The following ADIRF variants were observed in gnomAD, a reference collection of about 807,000 sequenced individuals.
ADIRF encodes adipogenesis factor rich in obesity.
Under a neutral mutation model 7.8 loss-of-function variants are expected in ADIRF, and 9 were observed. The ratio of observed to expected loss-of-function variants is 1.15; its 90% CI spans 0.70 to 2.01. ADIRF has a LOEUF of 2.01. Ranked by LOEUF, ADIRF falls within the 30% of genes most tolerant of loss-of-function variation. The probability of loss-of-function intolerance (pLI) is 0.00; values close to 1 mark genes in which losing one functional copy is unlikely to be tolerated. For synonymous variants in ADIRF, 48 were observed against 39.9 expected, an observed-to-expected ratio of 1.20 and a Z score of -0.77; for missense variants, 106 against 98.1, an observed-to-expected ratio of 1.08 and a Z score of -0.34.
chr10:86,970,681 G>A lies in ADIRF; in HGVS notation c.*99G>A. 2 of 1,029,300 alleles carry A rather than the reference G, an allele frequency of 1.9e-6. No homozygotes were observed. The highest frequency in any genetic ancestry group is 3.0e-6 in the Non-Finnish European group (2 of 671,342). 63.8% of individuals were successfully genotyped at this position (1,029,300 alleles called of 1,614,324 possible). On this transcript the variant is annotated 3_prime_UTR_variant, in exon 3 of 3. Transcript: ENST00000372013. ...CTAGCACAGCCTGGCCCTGATCTCC[G>A]GGCAGCCACCACCTCCTCGGTCTGC...
At chr10:86,969,939 C>G in intron 1 of ADIRF, 1 of 308,646 alleles carries the variant, frequency 3.2e-6, no homozygotes, top group Non-Finnish European at 5.9e-6. Context: ...TTCTCAGTAG[C>G]CCTGGAGATG....
rs1206127625 is a variant in ADIRF at position 86,968,578 on chromosome 10, C to T, written c.34C>T (p.Gln12Ter). ...CAAGGGCTTGCAGGACCTGAAGCAA[C>T]AGGTGGAGGGGACCGCCCAGGAAGC... Reference protein sequence around the residue: ...ASKGLQDLKQQVEGTAQEAVS... With the variant: ...ASKGLQDLKQ Residue 12 changes from glutamine to a stop codon, truncating the protein, a stop_gained, in exon 1 of 3, where the codon CAG becomes TAG. Coordinates refer to ENST00000372013, the MANE Select transcript of ADIRF (RefSeq NM_006829.3). LOFTEE classifies it high-confidence loss of function. The T allele has an allele frequency of 6.2e-7, 1 of 1,613,462 alleles. No homozygotes were observed. The highest frequency in any genetic ancestry group is 8.5e-7 in the Non-Finnish European group (1 of 1,179,782).
intron 2 of ADIRF, 43 bp from the exon 3 acceptor site, chr10:86,970,433 C>T (rs1195417683): frequency 3.2e-6 from 5 of 1,570,256 alleles, no homozygotes; most frequent in Non-Finnish European, 4.4e-6. Flanking sequence ...CACTGTGGTT[C>T]CCGGGCCCTG....
intron 1 of ADIRF, chr10:86,968,913 G>A (rs1445490495): frequency 2.4e-5 from 9 of 369,406 alleles, no homozygotes; most frequent in South Asian, 4.3e-5. Context: ...AGAGGGTGAA[G>A]GTCCAGGACA....
At chr10:86,969,418 C>A (rs1408057356) in intron 1 of ADIRF, 1 of 152,258 alleles carries the variant, frequency 6.6e-6, no homozygotes, top group Admixed American at 6.5e-5. Flanking sequence ...TTAATCGAGA[C>A]GAGGTTCCCA....
chr10:86,970,885 C>T lies in ADIRF; in HGVS notation c.*303C>T. 2.1e-6 allele frequency: 1 copy of T among 472,962 alleles called. No individual in the cohort carries two copies. Among genetic ancestry groups the T allele is most frequent in the Non-Finnish European group, 4.2e-6 (1 of 239,482 alleles). The allele number at this position is 472,962 out of a possible 1,614,324, so 29.3% of individuals were successfully genotyped here. ...CCATCCCGCCACGCGCCTCCCGAAGCTCCCAGACCGGAGGCTCAGCCCCCA... is the reference window on the plus strand; with the variant it reads ...CCATCCCGCCACGCGCCTCCCGAAGTTCCCAGACCGGAGGCTCAGCCCCCA... On this transcript the variant is annotated 3_prime_UTR_variant, in exon 3 of 3. Coordinates refer to ENST00000372013, the MANE Select transcript of ADIRF (RefSeq NM_006829.3).
chr10:86,968,610 G>T lies in ADIRF; in HGVS notation c.61+5G>T. On this transcript the variant is annotated splice_donor_5th_base_variant and intron_variant, in intron 1 of 2. Transcript: ENST00000372013. ...AGGGGACCGCCCAGGAAGCCGGTGA[G>T]GATAGCGCGCGACCTAGGGCTCAGG... The T allele has an allele frequency of 1.2e-6, 2 of 1,612,930 alleles. No homozygotes were observed. Among genetic ancestry groups the T allele is most frequent in the Non-Finnish European group, 1.7e-6 (2 of 1,179,654 alleles).
At chr10:86,969,220 C>CCCATT (rs373701484) in intron 1 of ADIRF, 1 of 152,626 alleles carries the variant, frequency 6.6e-6, no homozygotes, top group Non-Finnish European at 1.5e-5. Context: ...GTCAGTCCTG[C>CCCATT]CCATATCCCA....
intron 2 of ADIRF, 88 bp from the exon 3 acceptor site, chr10:86,970,387 TC>T: frequency 6.6e-7 from 1 of 1,509,272 alleles, no homozygotes. Flanking sequence ...CCCAAGCAGG[TC>T]CCCCGGGAGA....
Position 86,970,815 on chromosome 10 carries a change from C to A in ADIRF, c.*233C>A, listed in dbSNP as rs1844589068. 2 of 609,200 alleles carry A rather than the reference C, an allele frequency of 3.3e-6. No individual in the cohort carries two copies. The highest frequency in any genetic ancestry group is 3.0e-5 in the South Asian group (2 of 65,934). The allele number at this position is 609,200 out of a possible 1,614,324, so 37.7% of individuals were successfully genotyped here. A position where few individuals can be genotyped will look rare whatever the true frequency, so the allele number is the denominator to read the frequency against. On this transcript the variant is annotated 3_prime_UTR_variant, in exon 3 of 3. Transcript: ENST00000372013. ...AGAGCCACCGTAGCCGGAGTCCTAG[C>A]CTCCCAAATTCGGAAATCCAATCCA...
At position 86,970,310 on chromosome 10, in the gene ADIRF, T is replaced by TC. The variant is rs2133710515; in HGVS notation, c.124+52dup. The stretch of plus-strand genomic sequence containing the variant: ...CGGGCAACCCCAGCACACCTCCCAC[T>TC]CCCCGCCCCATCCCGGCTGGGGCCC... On this transcript the variant is annotated intron_variant, in intron 2 of 2. Coordinates refer to ENST00000372013, the MANE Select transcript of ADIRF (RefSeq NM_006829.3). The TC allele has an allele frequency of 2.0e-6, 3 of 1,503,050 alleles. No individual in the cohort carries two copies. In the South Asian group the frequency reaches 3.9e-5, roughly 20 times the overall value. 93.1% of individuals were successfully genotyped at this position (1,503,050 alleles called of 1,614,324 possible).
rs1419885700 is a variant in ADIRF at position 86,970,214 on chromosome 10, G to A, written c.76G>A (p.Ala26Thr). The change falls in exon 2 of 3, where the codon GCG (alanine) becomes ACG (threonine). Residue 26 changes from alanine (A) to threonine (T), a missense_variant. Physicochemically the swap from Ala to Thr is moderately conservative, Grantham distance 58. Coordinates refer to ENST00000372013, the MANE Select transcript of ADIRF (RefSeq NM_006829.3). ...CTCTGTTCCAGTGTCAGCGGCCGGA[G>A]CGGCAGCTCAGCAAGTGGTGGACCA... is the stretch of plus-strand genomic sequence containing the variant. ...TAQEAVSAAG[A>T]AAQQVVDQAT... 6.9e-7 allele frequency: 1 copy of A among 1,456,168 alleles called. No homozygotes were observed. Among genetic ancestry groups the A allele is most frequent in the South Asian group, 1.5e-5 (1 of 67,018 alleles). The allele number at this position is 1,456,168 out of a possible 1,614,324, so 90.2% of individuals were successfully genotyped here.
intron 1 of ADIRF, chr10:86,969,830 G>A (rs1844547099): frequency 6.0e-6 from 1 of 167,400 alleles, no homozygotes; most frequent in Non-Finnish European, 1.3e-5. Flanking sequence ...AGCTGTAAAA[G>A]GGGGCAAGGG....
chr10:86,969,907 C>T (rs1224532703), intron 1 of ADIRF: 2 of 258,792 alleles, frequency 7.7e-6, no homozygotes, highest in Non-Finnish European at 1.5e-5. Flanking sequence ...CCTGCCCTGC[C>T]TTCCTTCCTC....
intron 1 of ADIRF, 89 bp downstream of exon 1, chr10:86,968,694 C>A: frequency 6.8e-7 from 1 of 1,460,674 alleles, no homozygotes; most frequent in South Asian, 1.3e-5. Flanking sequence ...TCCGCAAGTT[C>A]CTGGACCGGC....
chr10:86,969,919 G>GACGC, intron 1 of ADIRF: 1 of 273,458 alleles, frequency 3.7e-6, no homozygotes, highest in Admixed American at 5.3e-5. Context: ...TCCTTCCTCT[G>GACGC]TCCAACATTT....
chr10:86,970,285 C>T lies in ADIRF; in HGVS notation c.124+23C>T, dbSNP rs1239901236. 7 of 1,474,452 alleles carry T rather than the reference C, an allele frequency of 4.7e-6. No homozygotes were observed. The South Asian group carries it at 7.0e-5, about 15-fold the overall frequency. 91.3% of individuals were successfully genotyped at this position (1,474,452 alleles called of 1,614,324 possible). A position where few individuals can be genotyped will look rare whatever the true frequency, so the allele number is the denominator to read the frequency against. On this transcript the variant is annotated intron_variant, in intron 2 of 2. Transcript: ENST00000372013. ...AAGGTCTGGTGGGGCTGGAGGGAGGCGGGCAACCCCAGCACACCTCCCACT... is the reference window on the plus strand; with the variant it reads ...AAGGTCTGGTGGGGCTGGAGGGAGGTGGGCAACCCCAGCACACCTCCCACT...
Position 86,970,607 on chromosome 10 carries a change from C to A in ADIRF, c.*25C>A, listed in dbSNP as rs375966291. The stretch of plus-strand genomic sequence containing the variant: ...ACAGCAGGGAGACTTGGGTCGGCCT[C>A]CTGAAATGACAGCAGGGAGACTTGG... On this transcript the variant is annotated 3_prime_UTR_variant, in exon 3 of 3. Coordinates refer to ENST00000372013, the MANE Select transcript of ADIRF (RefSeq NM_006829.3). The A allele has an allele frequency of 6.4e-7, 1 of 1,573,954 alleles. No individual in the cohort carries two copies. Among genetic ancestry groups the A allele is most frequent in the Admixed American group, 1.8e-5 (1 of 56,628 alleles).
Position 86,970,200 on chromosome 10 carries a change from T to C in ADIRF, c.62T>C (p.Val21Ala), listed in dbSNP as rs369392915. The C allele has an allele frequency of 8.3e-6, 12 of 1,452,548 alleles. No homozygotes were observed. Among genetic ancestry groups the C allele is most frequent in the Non-Finnish European group, 9.1e-6 (10 of 1,099,534 alleles). 90.0% of individuals were successfully genotyped at this position (1,452,548 alleles called of 1,614,324 possible). ...TAAAAGCCACATCTCTCTGTTCCAG[T>C]GTCAGCGGCCGGAGCGGCAGCTCAG... ...QQVEGTAQEA[V>A]SAAGAAAQQV... Residue 21 changes from valine to alanine, a missense_variant and splice_region_variant, in exon 2 of 3, where the codon GTG becomes GCG. Coordinates refer to ENST00000372013, the MANE Select transcript of ADIRF (RefSeq NM_006829.3).
Sources: allele counts gnomAD v4.1 joint callset, GRCh38; gene constraint gnomAD v4.1.1; transcripts MANE v1.5; gene names NCBI Gene and HGNC (gene_info 2026-07-23, HGNC 2026-07-21).